The following SH2D4A variants were observed in gnomAD, a reference collection of about 807,000 sequenced individuals.
The protein encoded by SH2D4A is SH2 domain-containing protein 4A.
SH2D4A carries 70 observed loss-of-function variants against 64.7 expected under a neutral mutation model. That is an observed-to-expected ratio of 1.08 (90% CI 0.89 to 1.32). SH2D4A has a LOEUF of 1.32. Among genes scored for constraint, SH2D4A ranks in the 40% most tolerant of loss-of-function variants. The pLI, the probability that SH2D4A is intolerant of heterozygous loss-of-function variation, is 0.00. For missense variants in SH2D4A, 706 were observed against 540.1 expected, an observed-to-expected ratio of 1.31 and a Z score of -3.04; for synonymous variants, 268 against 200.7, an observed-to-expected ratio of 1.34 and a Z score of -2.83.
Position 19,357,212 on chromosome 8 carries a change from A to C in SH2D4A, c.523A>C (p.Ser175Arg). The change falls in exon 5 of 10, where the codon AGT becomes CGT. Residue 175 changes from serine to arginine, a missense_variant. Ser to Arg is a moderately radical substitution (Grantham distance 110, BLOSUM62 -1). Transcript: ENST00000265807. The stretch of plus-strand genomic sequence containing the variant: ...TTCGTTTAATTTTTAGTCACTCTCC[A>C]GTTCTTCAAGAAATATTCAACAAAT... Reference protein sequence around the residue: ...LEEEKIRSLSSSSRNIQQMLA... With the variant: ...LEEEKIRSLSRSSRNIQQMLA... 6.2e-7 allele frequency: 1 copy of C among 1,613,272 alleles called. No individual in the cohort carries two copies. Among genetic ancestry groups the C allele is most frequent in the Non-Finnish European group, 8.5e-7 (1 of 1,179,154 alleles).
At chr8:19,370,071 T>C (rs2153649569) in intron 7 of SH2D4A, among the ~76,000 whole-genome samples, 1 of 152,242 alleles carries the variant, frequency 6.6e-6, no homozygotes, top group East Asian at 1.9e-4. Context: ...ACCCATTGGT[T>C]GTTCAGGTGC....
At chr8:19,388,468 G>A (rs1585213947) in intron 8 of SH2D4A, among the ~76,000 whole-genome samples, 1 of 152,292 alleles carries the variant, frequency 6.6e-6, no homozygotes, top group African/African-American at 2.4e-5. Flanking sequence ...TGCTTCTCCT[G>A]ACCTACCCAA....
At chr8:19,321,743 G>A (rs2052195517) in intron 2 of SH2D4A, among the ~76,000 whole-genome samples, 1 of 152,110 alleles carries the variant, frequency 6.6e-6, no homozygotes, top group African/African-American at 2.4e-5. Context: ...TGGGCACCAT[G>A]TTCACTGTGA....
intron 4 of SH2D4A, among the ~76,000 whole-genome samples, chr8:19,354,708 G>A (rs916529336): frequency 3.9e-5 from 6 of 152,208 alleles, no homozygotes; most frequent in African/African-American, 1.4e-4. Flanking sequence ...ACTGAGGGAT[G>A]GAGGATAACT....
chr8:19,351,820 G>A (rs1199321979), intron 4 of SH2D4A, among the ~76,000 whole-genome samples: 1 of 152,026 alleles, frequency 6.6e-6, no homozygotes, highest in East Asian at 1.9e-4. Flanking sequence ...GTCTTGCTCT[G>A]TCGCCCAGGC....
chr8:19,325,700 G>A (rs1172709341), intron 2 of SH2D4A, among the ~76,000 whole-genome samples: 3 of 152,154 alleles, frequency 2.0e-5, no homozygotes, highest in Admixed American at 1.3e-4. Context: ...AGGCTGTAGT[G>A]CCATGCAGGT....
intron 4 of SH2D4A, among the ~76,000 whole-genome samples, chr8:19,353,157 T>C (rs576841440): frequency 1.4e-4 from 21 of 152,238 alleles, no homozygotes; most frequent in African/African-American, 5.1e-4. Flanking sequence ...AGGAGGGTCA[T>C]TTTCTTCCCT....
intron 8 of SH2D4A, among the ~76,000 whole-genome samples, chr8:19,382,600 T>C (rs768351623): frequency 1.3e-5 from 2 of 152,150 alleles, no homozygotes; most frequent in Non-Finnish European, 2.9e-5. Context: ...TATGACGTTC[T>C]GTAAGTTAGG....
chr8:19,366,826 A>T (rs569515291), intron 7 of SH2D4A, among the ~76,000 whole-genome samples: 3 of 152,276 alleles, frequency 2.0e-5, no homozygotes, highest in Admixed American at 1.3e-4. Flanking sequence ...TTTTGATTCC[A>T]CAGAAGAGTG....
At chr8:19,324,157 GT>G (rs942434905) in intron 2 of SH2D4A, among the ~76,000 whole-genome samples, 22 of 152,188 alleles carry the variant, frequency 1.4e-4, no homozygotes, top group Admixed American at 2.0e-4. Flanking sequence ...TTCTTCTTGG[GT>G]GATTTTATTG....
chr8:19,365,585 T>C (rs1401662469), intron 7 of SH2D4A, among the ~76,000 whole-genome samples: 1 of 152,234 alleles, frequency 6.6e-6, no homozygotes, highest in Non-Finnish European at 1.5e-5. Context: ...TAGATGTCCC[T>C]GTCCCACAGC....
At chr8:19,393,286 TG>T in intron 8 of SH2D4A, 31 bp from the exon 9 acceptor site, 1 of 1,606,764 alleles carries the variant, frequency 6.2e-7, no homozygotes, top group Non-Finnish European at 8.5e-7. Flanking sequence ...ATGATTTGGC[TG>T]AAATACCTGC....
chr8:19,356,407 A>G lies in SH2D4A; in HGVS notation c.514-796A>G, dbSNP rs1404070230. Among the ~76,000 whole-genome samples, 3 of 152,200 alleles carry G rather than the reference A, an allele frequency of 2.0e-5. No individual in the cohort carries two copies. In the East Asian group the frequency reaches 5.8e-4, roughly 29 times the overall value. ...AATTAAGAACTCAGACACAAGGCAT[A>G]TACTTTGCGGTAATGTGGGTTGTGG... is the stretch of plus-strand genomic sequence containing the variant. On this transcript the variant is annotated intron_variant, in intron 4 of 9. Coordinates refer to ENST00000265807, the MANE Select transcript of SH2D4A (RefSeq NM_022071.4).
intron 9 of SH2D4A, 67 bp downstream of exon 9, chr8:19,393,608 G>A: frequency 6.7e-7 from 1 of 1,494,932 alleles, no homozygotes; most frequent in Non-Finnish European, 9.2e-7. Context: ...AACAATGAAT[G>A]ACAATTACAA....
At position 19,319,719 on chromosome 8, in the gene SH2D4A, C is replaced by T; in HGVS notation, c.172C>T (p.Pro58Ser). Residue 58 changes from proline to serine, a missense_variant, in exon 2 of 10, where the codon CCA becomes TCA. Transcript: ENST00000265807. The part of the protein sequence containing the change: ...RKESLPVKPR[P>S]KKENGKSVHW... Reference sequence around the variant, plus strand: ...GGAGTCCCTGCCAGTGAAACCCAGACCAAAGAAAGGTAAACTTATCCACGT... The same window carrying T: ...GGAGTCCCTGCCAGTGAAACCCAGATCAAAGAAAGGTAAACTTATCCACGT... 1.9e-6 allele frequency: 3 copies of T among 1,581,362 alleles called. No individual in the cohort carries two copies. Among genetic ancestry groups the T allele is most frequent in the Non-Finnish European group, 1.7e-6 (2 of 1,167,872 alleles).
At chr8:19,325,086 G>A (rs988559732) in intron 2 of SH2D4A, among the ~76,000 whole-genome samples, 14 of 151,968 alleles carry the variant, frequency 9.2e-5, no homozygotes, top group African/African-American at 3.4e-4. Flanking sequence ...AACTCCCTCC[G>A]GCGTCTGCTG....
intron 8 of SH2D4A, 84 bp from the exon 9 acceptor site, chr8:19,393,234 C>A (rs952513720): frequency 8.8e-6 from 11 of 1,250,946 alleles, no homozygotes; most frequent in Non-Finnish European, 1.0e-5. Context: ...GTCATTGACT[C>A]TATATCCATG....
intron 2 of SH2D4A, among the ~76,000 whole-genome samples, chr8:19,328,647 A>G (rs1457482399): frequency 6.6e-6 from 1 of 152,188 alleles, no homozygotes; most frequent in Admixed American, 6.5e-5. Context: ...TCCATCCTGT[A>G]TATACTGACA....
At position 19,361,297 on chromosome 8, in the gene SH2D4A, C is replaced by A. The variant is rs184291609; in HGVS notation, c.689C>A (p.Ser230Ter). ...KQICKSWKED[S>*]EWQASLRKSK... ...ATTTGTAAGAGCTGGAAAGAAGACT[C>A]GGAATGGCAGGCATCTCGTGAGTAC... The change falls in exon 6 of 10, where the codon TCG (serine) becomes TAG (stop). Residue 230 changes from serine (S) to a stop codon, truncating the protein, a stop_gained. Transcript: ENST00000265807. LOFTEE classifies it high-confidence loss of function. 6.6e-5 allele frequency: 106 copies of A among 1,611,190 alleles called. No homozygotes were observed. The East Asian group carries it at 2.3e-3, about 34-fold the overall frequency.
Sources: gnomAD v4.1 joint callset for allele counts (sites outside exome capture counted in the v4.1 genomes callset) on GRCh38, gnomAD v4.1.1 for gene constraint, MANE v1.5 for transcripts, NCBI Gene and HGNC (gene_info 2026-07-23, HGNC 2026-07-21) for gene names.